Variants in ALDH1L2 observed in about 807,000 individuals in gnomAD.
ALDH1L2 encodes mitochondrial 10-formyltetrahydrofolate dehydrogenase.
ALDH1L2 carries 91 observed loss-of-function variants against 111.0 expected under a neutral mutation model. The observed-to-expected ratio is 0.82, with a 90% confidence interval of 0.69 to 0.98. The LOEUF is 0.98. Ranked by LOEUF, ALDH1L2 falls within the 50% of genes least tolerant of loss-of-function variation. The probability of loss-of-function intolerance (pLI) is 0.00; values close to 1 mark genes in which losing one functional copy is unlikely to be tolerated. For synonymous variants in ALDH1L2, 374 were observed against 392.6 expected (o/e 0.95, Z 0.56); for missense variants, 995 against 1,126.8 (o/e 0.88, Z 1.67).
In ALDH1L2 at chr12:105,070,554, AAAG is replaced by A. The variant is rs1207887192; in HGVS notation, c.428+13_428+15del. ...ACCCCATCTCAAAAAAAAAAAGTAA[AAAG>A]AAAAAATCTCACCAATTGATAGCAG... is the stretch of plus-strand genomic sequence containing the variant. On this transcript the variant is annotated intron_variant, in intron 3 of 22. Coordinates refer to ENST00000258494, the MANE Select transcript of ALDH1L2 (RefSeq NM_001034173.4). 11 of 1,587,898 alleles carry A rather than the reference AAAG, an allele frequency of 6.9e-6. No homozygotes were observed. The highest frequency in any genetic ancestry group is 9.4e-6 in the Non-Finnish European group (11 of 1,167,496).
intron 1 of ALDH1L2, among the ~76,000 whole-genome samples, chr12:105,083,987 C>G (rs1247985176): frequency 6.6e-6 from 1 of 152,186 alleles, no homozygotes; most frequent in African/African-American, 2.4e-5. Context: ...CTCCCCTCCT[C>G]CAGGAGACAG....
At position 105,061,092 on chromosome 12, in the gene ALDH1L2, T is replaced by A; in HGVS notation, c.1048-20A>T. 1 of 1,601,796 alleles carries A rather than the reference T, an allele frequency of 6.2e-7. No individual in the cohort carries two copies. Among genetic ancestry groups the A allele is most frequent in the Non-Finnish European group, 8.6e-7 (1 of 1,168,984 alleles). ...GATGACCTACACAAAAAGGAAACTC[T>A]TATGAGGGAAGTGCCACGTAGAACA... On this transcript the variant is annotated intron_variant, in intron 8 of 22. Transcript: ENST00000258494.
intron 17 of ALDH1L2, among the ~76,000 whole-genome samples, chr12:105,039,457 A>C (rs931744291): frequency 2.0e-5 from 3 of 152,172 alleles, no homozygotes; most frequent in African/African-American, 7.2e-5. Flanking sequence ...TTAATACAGG[A>C]AGTCTTTTGT....
chr12:105,059,637 G>C (rs1433598421), intron 9 of ALDH1L2, among the ~76,000 whole-genome samples: 1 of 152,168 alleles, frequency 6.6e-6, no homozygotes, highest in Non-Finnish European at 1.5e-5. Flanking sequence ...TGAAATGATT[G>C]TTTTTGATTT....
At chr12:105,027,783 C>G (rs901498858) in intron 21 of ALDH1L2, among the ~76,000 whole-genome samples, 1 of 152,190 alleles carries the variant, frequency 6.6e-6, no homozygotes, top group Non-Finnish European at 1.5e-5. Flanking sequence ...ATGGTTCACC[C>G]TCCATAAATT....
intron 3 of ALDH1L2, 30 bp from the exon 4 acceptor site, chr12:105,068,914 G>A (rs1029781621): frequency 1.3e-6 from 2 of 1,496,968 alleles, no homozygotes; most frequent in South Asian, 1.4e-5. Context: ...AATTTAAAAT[G>A]TTGGTTAACT....
intron 10 of ALDH1L2, 142 bp from the exon 11 acceptor site, chr12:105,053,073 G>T: frequency 9.6e-7 from 1 of 1,045,734 alleles, no homozygotes; most frequent in Non-Finnish European, 1.4e-6. Context: ...ACATGCATAT[G>T]TGAGATTTGG....
chr12:105,070,529 A>G, intron 3 of ALDH1L2, 41 bp downstream of exon 3: 5 of 1,498,516 alleles, frequency 3.3e-6, no homozygotes, highest in Non-Finnish European at 4.6e-6. Context: ...ACATAGCAAG[A>G]CCCCATCTCA....
chr12:105,083,011 T>C (rs1203516118), intron 1 of ALDH1L2, among the ~76,000 whole-genome samples: 1 of 152,232 alleles, frequency 6.6e-6, no homozygotes, highest in African/African-American at 2.4e-5. Context: ...TAGACCCTGA[T>C]CACGCCAGTT....
chr12:105,075,939 C>T (rs1284469788), intron 1 of ALDH1L2, among the ~76,000 whole-genome samples: 5 of 152,196 alleles, frequency 3.3e-5, no homozygotes, highest in Admixed American at 3.3e-4. Flanking sequence ...GCACACACCA[C>T]CATGCCCAGC....
chr12:105,074,476 A>G (rs1346814307), intron 1 of ALDH1L2, among the ~76,000 whole-genome samples: 1 of 149,598 alleles, frequency 6.7e-6, no homozygotes, highest in Non-Finnish European at 1.5e-5. Context: ...AAAAAAAAAA[A>G]AAAAAAAGAA....
At chr12:105,047,821 T>C (rs1325948430) in intron 13 of ALDH1L2, 1 of 152,250 alleles carries the variant, frequency 6.6e-6, no homozygotes, top group Non-Finnish European at 1.5e-5. Context: ...TTTAGAAGTG[T>C]AATATAGTGC....
intron 1 of ALDH1L2, 67 bp downstream of exon 1, chr12:105,084,322 C>T: frequency 1.4e-6 from 2 of 1,479,768 alleles, no homozygotes; most frequent in Non-Finnish European, 9.0e-7. Flanking sequence ...CGCCCCGGCC[C>T]TCCCGCCCCG....
At chr12:105,031,680 C>T in intron 20 of ALDH1L2, 89 bp downstream of exon 20, 1 of 1,508,996 alleles carries the variant, frequency 6.6e-7, no homozygotes, top group Non-Finnish European at 8.9e-7. Flanking sequence ...GAAGTTTCAC[C>T]ATGTTGGCCA....
At chr12:105,063,767 G>A (rs1441733012) in intron 6 of ALDH1L2, among the ~76,000 whole-genome samples, 1 of 152,076 alleles carries the variant, frequency 6.6e-6, no homozygotes, top group Non-Finnish European at 1.5e-5. Context: ...AGCACAGGGT[G>A]CTTTGTGAGT....
intron 12 of ALDH1L2, among the ~76,000 whole-genome samples, chr12:105,051,841 G>A (rs913210553): frequency 5.4e-5 from 8 of 148,374 alleles, no homozygotes; most frequent in African/African-American, 1.7e-4. Flanking sequence ...CTGGAGTGCA[G>A]TGGTGCACTC....
intron 13 of ALDH1L2, 105 bp downstream of exon 13, chr12:105,049,803 T>C: frequency 1.5e-6 from 2 of 1,301,390 alleles, no homozygotes; most frequent in Non-Finnish European, 2.1e-6. Flanking sequence ...CCTGTTATGT[T>C]GGTGTAAAAA....
At chr12:105,057,381 C>T (rs904051989) in intron 10 of ALDH1L2, among the ~76,000 whole-genome samples, 1 of 152,112 alleles carries the variant, frequency 6.6e-6, no homozygotes, top group African/African-American at 2.4e-5. Context: ...CATAGAGTTA[C>T]CATATGACTC....
chr12:105,053,668 G>A (rs564076154), intron 10 of ALDH1L2, among the ~76,000 whole-genome samples: 2 of 152,258 alleles, frequency 1.3e-5, no homozygotes, highest in East Asian at 3.9e-4. Flanking sequence ...GAGTGCTCAT[G>A]ATCTATGAGC....
Sources: allele counts gnomAD v4.1 joint callset (sites outside exome capture counted in the v4.1 genomes callset), GRCh38; gene constraint gnomAD v4.1.1; transcripts MANE v1.5; gene names NCBI Gene and HGNC (gene_info 2026-07-23, HGNC 2026-07-21).